The following ZNF609 variants were observed in gnomAD, a reference collection of about 807,000 sequenced individuals.
ZNF609 encodes the protein zinc finger protein 609.
ZNF609 carries 11 observed loss-of-function variants against 109.5 expected under a neutral mutation model. The observed-to-expected ratio is 0.10, with a 90% CI of 0.06 to 0.17. ZNF609 has a LOEUF of 0.17. Among genes scored for constraint, ZNF609 ranks in the 10% least tolerant of loss-of-function variants. ZNF609 has a pLI of 1.00. For synonymous variants in ZNF609, 646 were observed against 662.0 expected, an observed-to-expected ratio of 0.98 and a Z score of 0.37; for missense variants, 1,559 against 1,772.4, an observed-to-expected ratio of 0.88 and a Z score of 2.16.
chr15:64,507,254 T>C (rs1423386168), intron 2 of ZNF609, among the ~76,000 whole-genome samples: 1 of 152,224 alleles, frequency 6.6e-6, no homozygotes, highest in East Asian at 1.9e-4. Flanking sequence ...GGAAAAAATC[T>C]AAGTCTTAGC....
intron 2 of ZNF609, among the ~76,000 whole-genome samples, chr15:64,570,418 C>T (rs1205239852): frequency 2.0e-5 from 3 of 152,136 alleles, no homozygotes; most frequent in East Asian, 1.9e-4. Flanking sequence ...ACCAGGAAAA[C>T]AGTTCCTGGT....
At chr15:64,581,786 A>G (rs965952058) in intron 2 of ZNF609, among the ~76,000 whole-genome samples, 3 of 152,204 alleles carry the variant, frequency 2.0e-5, no homozygotes, top group African/African-American at 7.2e-5. Flanking sequence ...TTTTGCTTGA[A>G]TAAATGCTCT....
chr15:64,576,997 AATATAT>A (rs757389866), intron 2 of ZNF609, among the ~76,000 whole-genome samples: 2 of 123,658 alleles, frequency 1.6e-5, no homozygotes, highest in Non-Finnish European at 3.3e-5. Flanking sequence ...TATACACATA[AATATAT>A]ATATGTATGT....
chr15:64,650,587 C>G (rs981299053), intron 3 of ZNF609, among the ~76,000 whole-genome samples: 4 of 152,010 alleles, frequency 2.6e-5, no homozygotes, highest in Admixed American at 6.6e-5. Flanking sequence ...AATCTGTACA[C>G]AAAACAGTAC....
At chr15:64,573,157 G>A (rs189004983) in intron 2 of ZNF609, among the ~76,000 whole-genome samples, 17 of 151,672 alleles carry the variant, frequency 1.1e-4, no homozygotes, top group Non-Finnish European at 1.9e-4. Flanking sequence ...GTGAAGAAGA[G>A]TGATTATGAG....
rs1178775847 is a variant in ZNF609, at chr15:64,685,879, G to A, written c.*4193G>A. 6.6e-6 allele frequency: 1 copy of A among 152,170 alleles called. No individual in the cohort carries two copies. Among genetic ancestry groups the A allele is most frequent in the Non-Finnish European group, 1.5e-5 (1 of 68,044 alleles). 9.4% of individuals were successfully genotyped at this position (152,170 alleles called of 1,614,324 possible). A position where few individuals can be genotyped will look rare whatever the true frequency, so the allele number is the denominator to read the frequency against. ...GAGTATTTGATCAGAATTTTAAAGGGTGGTATACTCTGAAACACAGCCCAA... is the reference window on the plus strand; with the variant it reads ...GAGTATTTGATCAGAATTTTAAAGGATGGTATACTCTGAAACACAGCCCAA... On this transcript the variant is annotated 3_prime_UTR_variant, in exon 10 of 10. Transcript: ENST00000326648.
intron 1 of ZNF609, among the ~76,000 whole-genome samples, chr15:64,464,028 A>G (rs894799710): frequency 1.3e-5 from 2 of 152,014 alleles, no homozygotes; most frequent in African/African-American, 4.8e-5. Context: ...AGTGCTTTGG[A>G]TTCCCCCCCA....
rs749259985 is a variant in ZNF609, at chr15:64,499,778, A to G, written c.359A>G (p.Glu120Gly). 1 of 1,614,028 alleles carries G rather than the reference A, an allele frequency of 6.2e-7. No individual in the cohort carries two copies. The highest frequency in any genetic ancestry group is 8.5e-7 in the Non-Finnish European group (1 of 1,179,996). Reference sequence around the variant, plus strand: ...AGTGAGGGGGCAGCTAGCAAGAAAGAGGTGCAGGGGCGCTCAGGAGATGGT... The same window carrying G: ...AGTGAGGGGGCAGCTAGCAAGAAAGGGGTGCAGGGGCGCTCAGGAGATGGT... ...TPSEGAASKK[E>G]VQGRSGDGAN... The change falls in exon 2 of 10, where the codon GAG (glutamate) becomes GGG (glycine). Residue 120 changes from glutamate to glycine, a missense_variant. By Grantham distance (98) the Glu-to-Gly change is moderately conservative. Around this residue, in one of 4 missense-constraint regions of ZNF609, gnomAD observed 291 missense variants for 317.8 expected, o/e 0.92. Transcript: ENST00000326648.
intron 2 of ZNF609, among the ~76,000 whole-genome samples, chr15:64,556,156 A>T (rs1023074523): frequency 6.8e-6 from 1 of 147,332 alleles, no homozygotes; most frequent in African/African-American, 2.5e-5. Flanking sequence ...CACCTGGCCA[A>T]TTTTTTTTTT....
chr15:64,676,517 G>C (rs960216141), intron 5 of ZNF609, among the ~76,000 whole-genome samples: 1 of 151,938 alleles, frequency 6.6e-6, no homozygotes, highest in South Asian at 2.1e-4. Flanking sequence ...TACAACCTCC[G>C]CCTCCCAGGT....
rs2083228780 is a variant in ZNF609, at chr15:64,684,310, T to A, written c.*2624T>A. On this transcript the variant is annotated 3_prime_UTR_variant, in exon 10 of 10. Transcript: ENST00000326648. ...ACAAACAAAGGCTGGAAAAATTTGC[T>A]ACCAAGGGCCAAGACCACCAGACCA... 1 of 152,504 alleles carries A rather than the reference T, an allele frequency of 6.6e-6. No homozygotes were observed. The highest frequency in any genetic ancestry group is 2.1e-4 in the South Asian group (1 of 4,816). The allele number at this position is 152,504 out of a possible 1,614,324, so 9.4% of individuals were successfully genotyped here. A position where few individuals can be genotyped will look rare whatever the true frequency, so the allele number is the denominator to read the frequency against.
At chr15:64,517,030 A>T (rs1385163293) in intron 2 of ZNF609, among the ~76,000 whole-genome samples, 3 of 152,170 alleles carry the variant, frequency 2.0e-5, no homozygotes, top group Non-Finnish European at 4.4e-5. Context: ...TTCCTTATTT[A>T]ATTGCGAGTT....
Position 64,680,774 on chromosome 15 carries a change from T to C in ZNF609, c.4074T>C (p.Pro1358=), listed in dbSNP as rs148572227. Residue 1358 remains proline, a synonymous_variant, in exon 8 of 10, where the codon CCT becomes CCC. Transcript: ENST00000326648. Reference sequence around the variant, plus strand: ...GTGTTGACCGGCCCCGCACCTCTCCTTCCCAGCGCCTGATGTCCACACACC... The same window carrying C: ...GTGTTGACCGGCCCCGCACCTCTCCCTCCCAGCGCCTGATGTCCACACACC... ...ERSVDRPRTS[P]SQRLMSTHHH... The C allele has an allele frequency of 1.8e-5, 29 of 1,613,714 alleles. No homozygotes were observed. The highest frequency in any genetic ancestry group is 2.5e-5 in the Non-Finnish European group (29 of 1,179,978).
At chr15:64,594,302 C>A (rs975750198) in intron 2 of ZNF609, among the ~76,000 whole-genome samples, 5 of 151,804 alleles carry the variant, frequency 3.3e-5, no homozygotes, top group African/African-American at 1.2e-4. Context: ...TAAATTAAAA[C>A]CAGAAAAGGC....
chr15:64,589,175 A>C (rs987169188), intron 2 of ZNF609, among the ~76,000 whole-genome samples: 2 of 152,168 alleles, frequency 1.3e-5, no homozygotes, highest in Admixed American at 6.6e-5. Context: ...TCCAACCTGA[A>C]ATAAGGGTGG....
At chr15:64,670,288 T>C in intron 3 of ZNF609, 58 bp from the exon 4 acceptor site, 1 of 1,399,620 alleles carries the variant, frequency 7.1e-7, no homozygotes, top group Non-Finnish European at 1.0e-6. Context: ...AAAAGAATAC[T>C]ATTCTCAGTG....
At chr15:64,473,448 C>T (rs1448327068) in intron 1 of ZNF609, among the ~76,000 whole-genome samples, 3 of 151,858 alleles carry the variant, frequency 2.0e-5, no homozygotes, top group Admixed American at 6.6e-5. Context: ...CTGCCTACCT[C>T]GGCCTCCCAA....
At chr15:64,611,731 C>G (rs764970930) in intron 2 of ZNF609, among the ~76,000 whole-genome samples, 9 of 151,092 alleles carry the variant, frequency 6.0e-5, no homozygotes, top group Non-Finnish European at 1.2e-4. Context: ...CTTGAATTTT[C>G]TTTTCTTTTT....
At chr15:64,497,912 AT>A (rs1408566353) in intron 1 of ZNF609, among the ~76,000 whole-genome samples, 28 of 69,448 alleles carry the variant, frequency 4.0e-4, no homozygotes, top group African/African-American at 6.1e-4. Flanking sequence ...AAAAAAAAAA[AT>A]TTTTTTTTTA....
Sources: allele counts gnomAD v4.1 joint callset (sites outside exome capture counted in the v4.1 genomes callset), GRCh38; gene constraint gnomAD v4.1.1; regional missense constraint gnomAD v4.1.1; transcripts MANE v1.5; gene names NCBI Gene and HGNC (gene_info 2026-07-23, HGNC 2026-07-21).